The following CPVL variants were observed in gnomAD, a reference collection of about 807,000 sequenced individuals.
CPVL encodes the protein carboxypeptidase vitellogenic like.
CPVL carries 51 observed loss-of-function variants against 63.7 expected under a neutral mutation model. That is an observed-to-expected ratio of 0.80 (90% CI 0.64 to 1.01). The LOEUF is 1.01. Among genes scored for constraint, CPVL ranks in the 50% least tolerant of loss-of-function variants. CPVL has a pLI of 0.00. For synonymous variants in CPVL, 195 were observed against 206.0 expected, an observed-to-expected ratio of 0.95 and a Z score of 0.46; for missense variants, 530 against 573.1, an observed-to-expected ratio of 0.92 and a Z score of 0.77.
chr7:29,115,528 AG>A (rs1788696833), intron 2 of CPVL, among the ~76,000 whole-genome samples: 1 of 152,198 alleles, frequency 6.6e-6, no homozygotes, highest in South Asian at 2.1e-4. Flanking sequence ...ACTCTTAATT[AG>A]CCCAGAGAAA....
At chr7:29,146,604 A>C (rs1414881959), upstream of CPVL, 1 of 1,550,314 alleles carries the variant, frequency 6.5e-7, no homozygotes, top group Non-Finnish European at 8.7e-7. Context: ...CCCACAGGGC[A>C]AAAAGTGCGT....
chr7:29,080,561 A>T (rs1344603100), intron 7 of CPVL, among the ~76,000 whole-genome samples: 2 of 149,706 alleles, frequency 1.3e-5, no homozygotes, highest in African/African-American at 4.9e-5. Flanking sequence ...TTGTCTCAAA[A>T]AAAAAAAAAA....
chr7:29,036,684 G>C (rs1788557317), intron 11 of CPVL, among the ~76,000 whole-genome samples: 1 of 152,148 alleles, frequency 6.6e-6, no homozygotes, highest in African/African-American at 2.4e-5. Flanking sequence ...TTCTAATTCT[G>C]AAGCCTGGAA....
intron 2 of CPVL, among the ~76,000 whole-genome samples, chr7:29,117,742 A>G (rs1252153058): frequency 6.6e-6 from 1 of 152,150 alleles, no homozygotes; most frequent in African/African-American, 2.4e-5. Context: ...TGGATTCTTC[A>G]TTAGGGTTGC....
chr7:29,065,202 A>C (rs931953672), intron 10 of CPVL, among the ~76,000 whole-genome samples: 4 of 152,230 alleles, frequency 2.6e-5, no homozygotes, highest in Non-Finnish European at 5.9e-5. Context: ...AACAATTTTT[A>C]CTAACTGTGA....
chr7:29,183,142 C>T (rs35357398), intron 4 of CPVL, among the ~76,000 whole-genome samples: 17,194 of 147,282 alleles, frequency 0.12, 1,152 homozygotes, highest in African/African-American at 0.17. Context: ...TGGAGTGCAA[C>T]GGCGCAATCT....
chr7:29,194,932 G>A (rs756199625), intron 1 of CPVL: 10 of 1,565,220 alleles, frequency 6.4e-6, no homozygotes, highest in Admixed American at 1.8e-5. Context: ...GACGCGAGGG[G>A]CGCGCGGAGA....
chr7:29,008,145 G>A (rs1785390487), intron 12 of CPVL, among the ~76,000 whole-genome samples: 1 of 152,158 alleles, frequency 6.6e-6, no homozygotes, highest in Non-Finnish European at 1.5e-5. Flanking sequence ...GGCAAGAGGA[G>A]GGAATCCCAT....
chr7:29,107,036 ACCCACTGGAGGGTGGAGGCC>A lies in CPVL; in HGVS notation c.288+5648_288+5667del, dbSNP rs1787785068. On this transcript the variant is annotated intron_variant, in intron 3 of 12. Coordinates refer to ENST00000265394, the MANE Select transcript of CPVL (RefSeq NM_031311.5). ...TAGATGAACCTCTTCCAAGGTTGGT[ACCCACTGGAGGGTGGAGGCC>A]TCACTTCCTCTCCACAGAGGCTCAG... Among the ~76,000 whole-genome samples, 4 of 152,188 alleles carry A rather than the reference ACCCACTGGAGGGTGGAGGCC, an allele frequency of 2.6e-5. No individual in the cohort carries two copies. In the South Asian group the frequency reaches 8.3e-4, roughly 32 times the overall value.
intron 11 of CPVL, among the ~76,000 whole-genome samples, chr7:29,047,455 A>T (rs76019520): frequency 0.014 from 2,205 of 152,328 alleles, 51 homozygotes; most frequent in African/African-American, 0.05. Flanking sequence ...CTTGATGACA[A>T]AGACTTCAAA....
intron 2 of CPVL, among the ~76,000 whole-genome samples, chr7:29,119,581 A>G (rs936917604): frequency 6.6e-6 from 1 of 152,208 alleles, no homozygotes; most frequent in African/African-American, 2.4e-5. Context: ...TGGTAATAAC[A>G]ATAGAAAAAC....
At chr7:29,167,230 ATATTAATTTTAACTTTTTTAGACCT>A (rs1796031639) in intron 5 of CPVL, among the ~76,000 whole-genome samples, 2 of 152,218 alleles carry the variant, frequency 1.3e-5, no homozygotes, top group Admixed American at 6.5e-5. Flanking sequence ...CTAAAATAAT[ATATTAATTTTAACTTTTTTAGACCT>A]TTGTCAAATA....
intron 3 of CPVL, among the ~76,000 whole-genome samples, chr7:29,105,053 A>C (rs898827060): frequency 2.6e-5 from 4 of 152,194 alleles, no homozygotes; most frequent in Admixed American, 1.3e-4. Flanking sequence ...AAATAGAGTC[A>C]GTTTGAAGAA....
chr7:29,061,867 A>G (rs958468295), intron 11 of CPVL, among the ~76,000 whole-genome samples: 1 of 151,104 alleles, frequency 6.6e-6, no homozygotes, highest in Non-Finnish European at 1.5e-5. Context: ...AATTGCTTGA[A>G]CCCAGGAGGT....
chr7:29,098,783 C>T (rs904502098), intron 3 of CPVL, among the ~76,000 whole-genome samples: 1 of 152,180 alleles, frequency 6.6e-6, no homozygotes, highest in African/African-American at 2.4e-5. Flanking sequence ...GATCAATAGG[C>T]CAGGCACGGT....
intron 11 of CPVL, among the ~76,000 whole-genome samples, chr7:29,055,441 G>A (rs1258460918): frequency 6.6e-6 from 1 of 152,088 alleles, no homozygotes; most frequent in African/African-American, 2.4e-5. Flanking sequence ...AGTAGAGATG[G>A]GGTTTCACCA....
chr7:29,110,510 T>G (rs1392407890), intron 3 of CPVL, among the ~76,000 whole-genome samples: 2 of 152,218 alleles, frequency 1.3e-5, no homozygotes, highest in Non-Finnish European at 2.9e-5. Context: ...TTGGTAATTC[T>G]GCAACCTGCT....
At chr7:29,189,995 A>C (rs1782685846) in intron 1 of CPVL, among the ~76,000 whole-genome samples, 1 of 152,202 alleles carries the variant, frequency 6.6e-6, no homozygotes, top group South Asian at 2.1e-4. Context: ...GTTCAGAGGC[A>C]GGGCCGCTAC....
chr7:29,022,200 C>T (rs317737), intron 12 of CPVL, among the ~76,000 whole-genome samples: 1,975 of 152,134 alleles, frequency 0.013, 51 homozygotes, highest in Admixed American at 0.07. Context: ...GCCCATCTAG[C>T]CTGCCTCTTG....
Sources: gnomAD v4.1 joint callset for allele counts (sites outside exome capture counted in the v4.1 genomes callset) on GRCh38, gnomAD v4.1.1 for gene constraint, MANE v1.5 for transcripts, NCBI Gene and HGNC (gene_info 2026-07-23, HGNC 2026-07-21) for gene names.